MATN2: variants seen among roughly 807,000 people sequenced by gnomAD.
The protein encoded by MATN2 is matrilin 2, also known as matrilin-2.
In MATN2, 69 loss-of-function variants were observed where a neutral mutation model predicts 103.2. The ratio of observed to expected loss-of-function variants is 0.67; its 90% CI spans 0.55 to 0.82. MATN2 has a LOEUF of 0.82. MATN2 is among the 40% of genes least tolerant of loss of function. MATN2 has a pLI of 0.00. For missense variants in MATN2, 1,023 were observed against 1,211.5 expected, an observed-to-expected ratio of 0.84 and a Z score of 2.31; for synonymous variants, 429 against 450.2, an observed-to-expected ratio of 0.95 and a Z score of 0.60.
At chr8:97,949,787 C>T (rs969513049) in intron 4 of MATN2, among the ~76,000 whole-genome samples, 9 of 152,314 alleles carry the variant, frequency 5.9e-5, no homozygotes, top group Middle Eastern at 3.4e-3. Context: ...TGATACACTG[C>T]AATACACGCA....
rs533794599 is a variant in MATN2, at chr8:97,977,200, C to T, written c.959-1686C>T. On this transcript the variant is annotated intron_variant, in intron 5 of 18. Coordinates refer to ENST00000254898, the MANE Select transcript of MATN2 (RefSeq NM_002380.5). ...GCAGTGAGCAGAGGTGGTGCCACTG[C>T]ACTCCAGCCTGGGAGACAAAGTGAG... 3.0e-4 allele frequency among the ~76,000 whole-genome samples: 37 copies of T among 124,016 alleles called. 1 individual carries two copies. The South Asian group carries it at 9.6e-3, about 32-fold the overall frequency. The allele number at this position is 124,016 out of a possible 152,430, so 81.4% of individuals were successfully genotyped here.
chr8:97,873,019 T>A (rs1817949789), intron 1 of MATN2, among the ~76,000 whole-genome samples: 1 of 152,154 alleles, frequency 6.6e-6, no homozygotes, highest in Non-Finnish European at 1.5e-5. Flanking sequence ...GGTTTCGAAC[T>A]CCTAACCTTA....
At chr8:97,876,824 T>G (rs1302890104) in intron 1 of MATN2, among the ~76,000 whole-genome samples, 1 of 152,174 alleles carries the variant, frequency 6.6e-6, no homozygotes, top group African/African-American at 2.4e-5. Context: ...CCTATGATTG[T>G]GGATACATTT....
chr8:97,892,596 A>G (rs1818670196), intron 2 of MATN2, among the ~76,000 whole-genome samples: 1 of 152,218 alleles, frequency 6.6e-6, no homozygotes, highest in African/African-American at 2.4e-5. Context: ...AGGGAAGAGC[A>G]TTTAAATAGC....
chr8:98,007,225 C>T lies in MATN2; in HGVS notation c.1448C>T (p.Ser483Phe), dbSNP rs1231730466. 6.2e-7 allele frequency: 1 copy of T among 1,613,884 alleles called. No homozygotes were observed. The highest frequency in any genetic ancestry group is 1.7e-5 in the Admixed American group (1 of 60,014). The change falls in exon 9 of 19, where the codon TCC becomes TTC. Residue 483 changes from serine (S) to phenylalanine (F), a missense_variant and splice_region_variant. By Grantham distance (155) the Ser-to-Phe change is radical. Coordinates refer to ENST00000254898, the MANE Select transcript of MATN2 (RefSeq NM_002380.5). This position sits in a 1 kb window ranked among gnomAD's most constrained non-coding sequence, Gnocchi z 4.2. ...FLINEDLKTC[S>F]RVDYCLLSDH... ...ATCAACGAGGACCTCAAGACCTGCT[C>T]CCGTGAGTCCCTCCGCGCTCCTCTC...
chr8:97,982,999 C>A lies in MATN2; in HGVS notation c.1081+3991C>A, dbSNP rs1216930790. 6.6e-6 allele frequency among the ~76,000 whole-genome samples: 1 copy of A among 152,186 alleles called. No individual in the cohort carries two copies. Among genetic ancestry groups the A allele is most frequent in the African/African-American group, 2.4e-5 (1 of 41,444 alleles). On this transcript the variant is annotated intron_variant, in intron 6 of 18. Transcript: ENST00000254898. This position sits in a 1 kb window ranked among gnomAD's most constrained non-coding sequence, Gnocchi z 4.3. ...CTATCCTCACCATCCATCTCCAGAACTTTTCATCACCCCAAACTGAAACGC... is the reference window on the plus strand; with the variant it reads ...CTATCCTCACCATCCATCTCCAGAAATTTTCATCACCCCAAACTGAAACGC...
intron 13 of MATN2, among the ~76,000 whole-genome samples, chr8:98,023,120 C>G (rs12334735): frequency 0.025 from 3,803 of 151,780 alleles, 156 homozygotes; most frequent in African/African-American, 0.087. Context: ...AAATAAAATA[C>G]AAAAATTAGC....
At chr8:97,876,186 A>ATTTT (rs899171638) in intron 1 of MATN2, among the ~76,000 whole-genome samples, 1 of 106,300 alleles carries the variant, frequency 9.4e-6, no homozygotes, top group Admixed American at 9.7e-5. Context: ...TAATTATTGT[A>ATTTT]TTTTTTTTTT....
At position 98,018,063 on chromosome 8, in the gene MATN2, C is replaced by T. The variant is rs766096246; in HGVS notation, c.1766C>T (p.Thr589Met). 7.7e-5 allele frequency: 124 copies of T among 1,613,776 alleles called. No individual in the cohort carries two copies. The highest frequency in any genetic ancestry group is 1.2e-4 in the Admixed American group (7 of 60,008). ...TGTGTGAACAGTGATGACTCATACA[C>T]GTGCGAGTGCTTGGAGGGATTCCGG... ...HICVNSDDSY[T>M]CECLEGFRLA... The change falls in exon 12 of 19, where the codon ACG (threonine) becomes ATG (methionine). Residue 589 changes from threonine (T) to methionine (M), a missense_variant. Thr to Met is a moderately conservative substitution (Grantham distance 81). Transcript: ENST00000254898.
chr8:98,004,441 G>C (rs1483351509), intron 8 of MATN2, among the ~76,000 whole-genome samples: 1 of 152,186 alleles, frequency 6.6e-6, no homozygotes, highest in Non-Finnish European at 1.5e-5. Context: ...CCACCTACTA[G>C]ATGTGTGTGA....
At chr8:97,886,724 G>GAGGTTTTT (rs1412122398) in intron 1 of MATN2, among the ~76,000 whole-genome samples, 1 of 152,042 alleles carries the variant, frequency 6.6e-6, no homozygotes. Context: ...CTGAAATAGT[G>GAGGTTTTT]AGGTTTTTTT....
chr8:97,985,769 A>G (rs1363733335), intron 6 of MATN2, among the ~76,000 whole-genome samples: 1 of 152,208 alleles, frequency 6.6e-6, no homozygotes, highest in Admixed American at 6.5e-5. Flanking sequence ...GTTTCTCACC[A>G]TGTTGCCCAG....
intron 4 of MATN2, among the ~76,000 whole-genome samples, chr8:97,960,103 C>T (rs970472077): frequency 2.0e-5 from 3 of 152,048 alleles, no homozygotes; most frequent in Non-Finnish European, 4.4e-5. Context: ...ATTACAGGCG[C>T]GTGCCACCAC....
chr8:97,984,849 A>C lies in MATN2; in HGVS notation c.1081+5841A>C, dbSNP rs1207558801. Among the ~76,000 whole-genome samples the C allele has an allele frequency of 3.3e-5, 5 of 152,352 alleles. No homozygotes were observed. The East Asian group carries it at 9.6e-4, about 29-fold the overall frequency. ...CAATATCTGTCCTTATGGAGCCTAC[A>C]TTCTATTGGAGCAGGATAAGAGAAT... On this transcript the variant is annotated intron_variant, in intron 6 of 18. Coordinates refer to ENST00000254898, the MANE Select transcript of MATN2 (RefSeq NM_002380.5).
At chr8:98,006,011 A>G (rs1411390480) in intron 8 of MATN2, among the ~76,000 whole-genome samples, 1 of 152,258 alleles carries the variant, frequency 6.6e-6, no homozygotes, top group Non-Finnish European at 1.5e-5. Flanking sequence ...GACCTGCACC[A>G]GGCCTCCAGT....
chr8:97,934,066 T>C (rs1286060692), intron 3 of MATN2, among the ~76,000 whole-genome samples: 2 of 152,202 alleles, frequency 1.3e-5, no homozygotes, highest in Non-Finnish European at 2.9e-5. Context: ...TTCACTCCTC[T>C]GCATGTTGGG....
chr8:97,908,996 T>C (rs1426732833), intron 2 of MATN2, among the ~76,000 whole-genome samples: 3 of 152,110 alleles, frequency 2.0e-5, no homozygotes, highest in African/African-American at 7.2e-5. Context: ...TGGAGGGCAG[T>C]GCCCTGATCT....
chr8:98,025,870 T>C (rs1168963146), intron 13 of MATN2: 2 of 331,218 alleles, frequency 6.0e-6, no homozygotes, highest in Non-Finnish European at 1.2e-5. Flanking sequence ...CTGCTTACTA[T>C]CGACCATCTA....
chr8:97,917,912 C>T (rs141307284), intron 2 of MATN2, among the ~76,000 whole-genome samples: 46 of 152,138 alleles, frequency 3.0e-4, no homozygotes, highest in African/African-American at 1.1e-3. Context: ...TGGCGAAACC[C>T]TGTCTCTTTC....
Sources: allele counts gnomAD v4.1 joint callset (sites outside exome capture counted in the v4.1 genomes callset), GRCh38; gene constraint gnomAD v4.1.1; non-coding constraint Gnocchi (gnomAD v3.1); transcripts MANE v1.5; gene names NCBI Gene and HGNC (gene_info 2026-07-23, HGNC 2026-07-21).